Variants in STIL observed in about 807,000 individuals in gnomAD.
The protein encoded by STIL is STIL centriolar assembly protein.
Under a neutral mutation model 110.1 loss-of-function variants are expected in STIL, and 55 were observed. The ratio of observed to expected loss-of-function variants is 0.50; its 90% CI spans 0.40 to 0.63. The LOEUF is 0.63. Among genes scored for constraint, STIL ranks in the 20% least tolerant of loss-of-function variants. The pLI, the probability that STIL is intolerant of heterozygous loss-of-function variation, is 0.00. For synonymous variants in STIL, 481 were observed against 530.0 expected (o/e 0.91, Z 1.27); for missense variants, 1,358 against 1,530.0 (o/e 0.89, Z 1.87).
Position 47,280,522 on chromosome 1 carries a change from T to C in STIL, c.1936A>G (p.Ser646Gly), listed in dbSNP as rs1645127782. The C allele has an allele frequency of 1.2e-6, 2 of 1,614,094 alleles. No homozygotes were observed. The highest frequency in any genetic ancestry group is 1.7e-6 in the Non-Finnish European group (2 of 1,180,042). The change falls in exon 12 of 17, where the codon AGT (serine) becomes GGT (glycine). Residue 646 changes from serine to glycine, a missense_variant. Transcript: ENST00000371877. ...ALQKHSLFHP[S>G]GCPALYCNAF... ...TTACAGTACAGGGCTGGACATCCACTTGGGTGAAATAATGAATGCTTTTGA... is the reference window on the plus strand; with the variant it reads ...TTACAGTACAGGGCTGGACATCCACCTGGGTGAAATAATGAATGCTTTTGA...
At position 47,281,228 on chromosome 1, in the gene STIL, T is replaced by C. The variant is rs753857256; in HGVS notation, c.1249-19A>G. 1.9e-6 allele frequency: 3 copies of C among 1,600,976 alleles called. No individual in the cohort carries two copies. Among genetic ancestry groups the C allele is most frequent in the East Asian group, 2.2e-5 (1 of 44,728 alleles). The stretch of plus-strand genomic sequence containing the variant: ...TAGAAATCTACAAATAAGAAAGAAA[T>C]AGAAAAAAAAAGTATTTTTTTGGAG... On this transcript the variant is annotated intron_variant, in intron 11 of 16. Coordinates refer to ENST00000371877, the MANE Select transcript of STIL (RefSeq NM_001048166.1).
chr1:47,270,851 G>C (rs575473215), intron 13 of STIL, among the ~76,000 whole-genome samples: 1 of 151,628 alleles, frequency 6.6e-6, no homozygotes, highest in Non-Finnish European at 1.5e-5. Context: ...GCTAATTTTT[G>C]TATTTTTTTT....
At chr1:47,311,298 T>C (rs941556922) in intron 1 of STIL, among the ~76,000 whole-genome samples, 77 of 150,890 alleles carry the variant, frequency 5.1e-4, no homozygotes, top group Non-Finnish European at 1.1e-3. Flanking sequence ...TTTTTTTTTT[T>C]TGAAACAGGG....
In STIL at chr1:47,305,136, T is replaced by TA. The variant is rs200202421; in HGVS notation, c.45-141_45-140insT. 1,066 of 604,884 alleles carry TA rather than the reference T, an allele frequency of 1.8e-3. 9 individuals are homozygous for TA. In the African/African-American group the frequency reaches 0.018, roughly 10 times the overall value. 37.5% of individuals were successfully genotyped at this position (604,884 alleles called of 1,614,324 possible). On this transcript the variant is annotated intron_variant, in intron 2 of 16. Coordinates refer to ENST00000371877, the MANE Select transcript of STIL (RefSeq NM_001048166.1). ...TTTTCAAAGAGTTTATATATATATA[T>TA]TTTTTTTGAGACAAAGTCTCACTCC...
chr1:47,280,288 G>A lies in STIL; in HGVS notation c.2170C>T (p.Arg724Trp), dbSNP rs551661801. The A allele has an allele frequency of 1.3e-5, 21 of 1,614,120 alleles. No homozygotes were observed. In the South Asian group the frequency reaches 1.3e-4, roughly 10 times the overall value. ...GMMGLSPDAYRFLTEQDRQLR... is the reference protein window; with the variant it reads ...GMMGLSPDAYWFLTEQDRQLR... ...TGTCTGTCTTGTTCTGTGAGGAACCGATATGCATCTGGAGATAGTCCCATC... is the reference window on the plus strand; with the variant it reads ...TGTCTGTCTTGTTCTGTGAGGAACCAATATGCATCTGGAGATAGTCCCATC... The change falls in exon 12 of 17, where the codon CGG becomes TGG. Residue 724 changes from arginine to tryptophan, a missense_variant. Coordinates refer to ENST00000371877, the MANE Select transcript of STIL (RefSeq NM_001048166.1).
chr1:47,281,297 A>G, intron 11 of STIL, 88 bp from the exon 12 acceptor site: 1 of 1,274,582 alleles, frequency 7.8e-7, no homozygotes, highest in African/African-American at 1.5e-5. Flanking sequence ...TTCCCAAATT[A>G]TATCTAATTA....
rs186520942 is a variant in STIL at position 47,250,605 on chromosome 1, A to C, written c.*531T>G. The C allele has an allele frequency of 5.6e-3, 887 of 159,174 alleles. 8 individuals carry two copies. The highest frequency in any genetic ancestry group is 0.02 in the African/African-American group (830 of 41,744). The allele number at this position is 159,174 out of a possible 1,614,324, so 9.9% of individuals were successfully genotyped here. A position where few individuals can be genotyped will look rare whatever the true frequency, so the allele number is the denominator to read the frequency against. ...GAGGCCGAGGCGGGCGGATCACCTG[A>C]GGTCGGGAGTTTGAGACCAGCCTGA... On this transcript the variant is annotated 3_prime_UTR_variant, in exon 17 of 17. Coordinates refer to ENST00000371877, the MANE Select transcript of STIL (RefSeq NM_001048166.1).
intron 5 of STIL, 41 bp downstream of exon 5, chr1:47,301,520 T>C: frequency 1.3e-6 from 2 of 1,537,524 alleles, no homozygotes; most frequent in Non-Finnish European, 1.8e-6. Context: ...ATAGTTTGAT[T>C]CTTGTGTTGA....
At chr1:47,298,623 T>C (rs893327487) in intron 6 of STIL, among the ~76,000 whole-genome samples, 7 of 148,920 alleles carry the variant, frequency 4.7e-5, no homozygotes, top group Non-Finnish European at 7.4e-5. Flanking sequence ...AGGTTATAGT[T>C]AAGAAAAAAA....
intron 6 of STIL, among the ~76,000 whole-genome samples, chr1:47,296,149 G>A (rs1269866642): frequency 6.6e-6 from 1 of 152,160 alleles, no homozygotes; most frequent in Admixed American, 6.5e-5. Context: ...TTAATCAAGA[G>A]TGTTAACATT....
intron 16 of STIL, among the ~76,000 whole-genome samples, chr1:47,253,843 A>G (rs1362877853): frequency 1.3e-5 from 2 of 152,136 alleles, no homozygotes; most frequent in African/African-American, 4.8e-5. Flanking sequence ...CATTCTTATA[A>G]GCACCTGAAA....
chr1:47,289,179 T>C (rs1645403594), intron 9 of STIL, among the ~76,000 whole-genome samples: 1 of 152,060 alleles, frequency 6.6e-6, no homozygotes, highest in South Asian at 2.1e-4. Context: ...TTCAAAGATT[T>C]TAGAAAAACA....
chr1:47,298,680 C>T (rs1645710826), intron 6 of STIL, among the ~76,000 whole-genome samples: 2 of 151,092 alleles, frequency 1.3e-5, no homozygotes, highest in African/African-American at 2.4e-5. Context: ...ACAGAATATA[C>T]AATATAGAAC....
intron 10 of STIL, among the ~76,000 whole-genome samples, chr1:47,285,020 CTTTTT>C (rs35801422): frequency 7.4e-6 from 1 of 134,718 alleles, no homozygotes; most frequent in Admixed American, 7.8e-5. Context: ...CATTTTTTGT[CTTTTT>C]TTTTTTTTTT....
At position 47,269,669 on chromosome 1, in the gene STIL, C is replaced by T. The variant is rs768812150; in HGVS notation, c.2581G>A (p.Glu861Lys). ...PSFEESNIAVEEEFNQPLSVS... is the reference protein window; with the variant it reads ...PSFEESNIAVKEEFNQPLSVS... ...GAAAGTGGCTGGTTAAATTCTTCTT[C>T]CACAGCAATGTTGCTCTCTTCAAAA... is the stretch of plus-strand genomic sequence containing the variant. The change falls in exon 14 of 17, where the codon GAA becomes AAA. Residue 861 changes from glutamate to lysine, a missense_variant. Transcript: ENST00000371877. 5.6e-6 allele frequency: 9 copies of T among 1,614,022 alleles called. No homozygotes were observed. The South Asian group carries it at 7.7e-5, about 14-fold the overall frequency.
intron 2 of STIL, among the ~76,000 whole-genome samples, chr1:47,308,874 T>A (rs1279692293): frequency 1.3e-5 from 2 of 151,960 alleles, no homozygotes; most frequent in East Asian, 3.9e-4. Flanking sequence ...GCCAACATGG[T>A]GAAACCCCGT....
At chr1:47,263,740 C>A (rs1644549197) in intron 14 of STIL, among the ~76,000 whole-genome samples, 1 of 102,774 alleles carries the variant, frequency 9.7e-6, no homozygotes, top group African/African-American at 3.4e-5. Context: ...TTTGTTCATT[C>A]CAAGTTTTTT....
chr1:47,288,912 A>T, intron 9 of STIL, among the ~76,000 whole-genome samples: 1 of 119,628 alleles, frequency 8.4e-6, no homozygotes, highest in Non-Finnish European at 1.8e-5. Context: ...AAAAAAAAAA[A>T]ATAGCCAGGT....
chr1:47,279,942 G>C (rs1490341946), intron 12 of STIL, among the ~76,000 whole-genome samples: 1 of 152,120 alleles, frequency 6.6e-6, no homozygotes, highest in Non-Finnish European at 1.5e-5. Context: ...TAAAGGCTTA[G>C]TTAATTATAA....
Sources: allele counts gnomAD v4.1 joint callset (sites outside exome capture counted in the v4.1 genomes callset), GRCh38; gene constraint gnomAD v4.1.1; transcripts MANE v1.5; gene names NCBI Gene and HGNC (gene_info 2026-07-23, HGNC 2026-07-21).